The following CDH8 variants were observed in gnomAD, a reference collection of about 807,000 sequenced individuals.
The protein encoded by CDH8 is cadherin 8.
In CDH8, 17 loss-of-function variants were observed where a neutral mutation model predicts 68.1. The ratio of observed to expected loss-of-function variants is 0.25; its 90% CI spans 0.17 to 0.37. CDH8 has a LOEUF of 0.37. Ranked by LOEUF, CDH8 falls within the 10% of genes least tolerant of loss-of-function variation. The pLI is 1.00. For missense variants in CDH8, 763 were observed against 999.3 expected (o/e 0.76, Z 3.19); for synonymous variants, 372 against 365.1 (o/e 1.02, Z -0.21).
rs1020196763 is a variant in CDH8 at position 61,702,440 on chromosome 16, G to A, written c.1654+11401C>T. Among the ~76,000 whole-genome samples, 10 of 152,198 alleles carry A rather than the reference G, an allele frequency of 6.6e-5. 1 individual carries two copies. Among genetic ancestry groups the A allele is most frequent in the African/African-American group, 2.4e-4 (10 of 41,540 alleles). ...ATACTTTATTTCTTAATGAGTCAGT[G>A]TCATTGTAACGACTTGCAAAGACTT... is the stretch of plus-strand genomic sequence containing the variant. On this transcript the variant is annotated intron_variant, in intron 10 of 11. Transcript: ENST00000577390.
intron 3 of CDH8, among the ~76,000 whole-genome samples, chr16:61,868,874 G>A (rs1047596290): frequency 3.3e-5 from 5 of 152,136 alleles, no homozygotes; most frequent in African/African-American, 1.2e-4. Context: ...GAAAGGCTAA[G>A]CAATGGGTTT....
chr16:61,917,982 T>C (rs1356543847), intron 2 of CDH8, among the ~76,000 whole-genome samples: 1 of 147,222 alleles, frequency 6.8e-6, no homozygotes, highest in East Asian at 2.0e-4. Flanking sequence ...TTTTTTTTTT[T>C]TTTTTACCGT....
chr16:61,734,044 T>C (rs538456502), intron 8 of CDH8, among the ~76,000 whole-genome samples: 2 of 152,238 alleles, frequency 1.3e-5, no homozygotes, highest in South Asian at 2.1e-4. Flanking sequence ...AGTACTCTTC[T>C]ATGTGCCTTC....
intron 4 of CDH8, among the ~76,000 whole-genome samples, chr16:61,839,008 C>T (rs1342091313): frequency 6.6e-6 from 1 of 152,084 alleles, no homozygotes; most frequent in African/African-American, 2.4e-5. Flanking sequence ...AAGTGACTTA[C>T]TCCAAGTCAC....
At chr16:61,801,590 C>T (rs1047324708) in intron 7 of CDH8, among the ~76,000 whole-genome samples, 12 of 152,214 alleles carry the variant, frequency 7.9e-5, no homozygotes, top group Non-Finnish European at 1.2e-4. Context: ...AGACAGTGGG[C>T]GCAGGCCAGT....
intron 11 of CDH8, among the ~76,000 whole-genome samples, chr16:61,654,726 C>G: frequency 6.6e-6 from 1 of 152,050 alleles, no homozygotes; most frequent in East Asian, 1.9e-4. Flanking sequence ...GCTAATGGAG[C>G]AAAATATGTC....
At chr16:61,952,285 A>G (rs772079292) in intron 2 of CDH8, among the ~76,000 whole-genome samples, 1 of 152,218 alleles carries the variant, frequency 6.6e-6, no homozygotes, top group African/African-American at 2.4e-5. Context: ...AAAAATAAAT[A>G]TATTTTGAGC....
At chr16:62,008,943 A>G (rs933084848) in intron 2 of CDH8, among the ~76,000 whole-genome samples, 3 of 27,176 alleles carry the variant, frequency 1.1e-4, no homozygotes, top group Middle Eastern at 0.01. Context: ...TAGGATGTGC[A>G]CACACACACA....
At chr16:61,957,216 C>T (rs757363370) in intron 2 of CDH8, among the ~76,000 whole-genome samples, 3 of 152,088 alleles carry the variant, frequency 2.0e-5, no homozygotes, top group East Asian at 3.9e-4. Context: ...CACATATGCA[C>T]GCACACCTTG....
chr16:61,874,362 C>T (rs771769485), intron 3 of CDH8, among the ~76,000 whole-genome samples: 85 of 152,002 alleles, frequency 5.6e-4, no homozygotes, highest in Middle Eastern at 3.4e-3. Context: ...GATGGAGTCT[C>T]GCTCTATCAC....
chr16:62,017,753 G>A (rs1232036050), intron 2 of CDH8, among the ~76,000 whole-genome samples: 1 of 152,160 alleles, frequency 6.6e-6, no homozygotes, highest in East Asian at 1.9e-4. Context: ...GCTTCTGACC[G>A]AGGGAAGCAT....
At chr16:61,771,814 G>A (rs950564959) in intron 8 of CDH8, among the ~76,000 whole-genome samples, 24 of 151,908 alleles carry the variant, frequency 1.6e-4, no homozygotes, top group Non-Finnish European at 1.0e-4. Context: ...TATATAGGTC[G>A]AGGAAAGTTT....
chr16:61,756,018 G>A (rs1331440728), intron 8 of CDH8, among the ~76,000 whole-genome samples: 1 of 151,756 alleles, frequency 6.6e-6, no homozygotes, highest in African/African-American at 2.4e-5. Context: ...ACAGGGTTTC[G>A]CCATGTTGAC....
chr16:61,920,921 G>A (rs1191336801), intron 2 of CDH8, among the ~76,000 whole-genome samples: 425 of 112,016 alleles, frequency 3.8e-3, no homozygotes, highest in East Asian at 4.8e-3. Context: ...ATACTATGCA[G>A]CCATAAAAAA....
In CDH8 at chr16:61,686,455, C is replaced by T. The variant is rs564273502; in HGVS notation, c.1654+27386G>A. Reference sequence around the variant, plus strand: ...CCAAAGTTCTTATTTTAAAAATCAGCAGTTGGTTTGTGTTCAAGTGGTACT... The same window carrying T: ...CCAAAGTTCTTATTTTAAAAATCAGTAGTTGGTTTGTGTTCAAGTGGTACT... On this transcript the variant is annotated intron_variant, in intron 10 of 11. Transcript: ENST00000577390. Among the ~76,000 whole-genome samples the T allele has an allele frequency of 1.7e-3, 264 of 151,932 alleles. 1 individual carries two copies. Among genetic ancestry groups the T allele is most frequent in the African/African-American group, 6.2e-3 (258 of 41,474 alleles).
chr16:61,851,315 T>C (rs1962932969), intron 4 of CDH8, among the ~76,000 whole-genome samples: 2 of 152,046 alleles, frequency 1.3e-5, no homozygotes, highest in Non-Finnish European at 2.9e-5. Context: ...CAAATGTTGT[T>C]TGTACCCAAT....
chr16:61,930,103 A>T (rs1964517581), intron 2 of CDH8, among the ~76,000 whole-genome samples: 1 of 152,144 alleles, frequency 6.6e-6, no homozygotes, highest in African/African-American at 2.4e-5. Context: ...CACAGTAGTG[A>T]TTATAACTGA....
At chr16:61,967,250 A>G (rs1325875481) in intron 2 of CDH8, among the ~76,000 whole-genome samples, 5 of 152,204 alleles carry the variant, frequency 3.3e-5, no homozygotes, top group Non-Finnish European at 7.3e-5. Flanking sequence ...ATAAAATACT[A>G]GTTAAGTCAT....
At chr16:61,768,393 T>TCC (rs369638332) in intron 8 of CDH8, among the ~76,000 whole-genome samples, 1 of 73,530 alleles carries the variant, frequency 1.4e-5, no homozygotes, top group Non-Finnish European at 2.6e-5. Context: ...TCTCTCTCTC[T>TCC]CCCTTTCTCT....
Sources: gnomAD v4.1 joint callset for allele counts (sites outside exome capture counted in the v4.1 genomes callset) on GRCh38, gnomAD v4.1.1 for gene constraint, MANE v1.5 for transcripts, NCBI Gene and HGNC (gene_info 2026-07-23, HGNC 2026-07-21) for gene names.